AFF3: variants seen among roughly 807,000 people sequenced by gnomAD.
AFF3 encodes AF4/FMR2 family member 3.
A neutral mutation model predicts 129.7 loss-of-function variants in AFF3; 32 were observed. The observed-to-expected ratio is 0.25, with a 90% CI of 0.19 to 0.33. The LOEUF (loss-of-function observed/expected upper bound fraction) is 0.33, where lower values mean the gene tolerates loss of function less well. Among genes scored for constraint, AFF3 ranks in the 10% least tolerant of loss-of-function variants. The probability of loss-of-function intolerance (pLI) is 1.00; values close to 1 mark genes in which losing one functional copy is unlikely to be tolerated. For missense variants in AFF3, 1,373 were observed against 1,592.0 expected, an observed-to-expected ratio of 0.86 and a Z score of 2.34; for synonymous variants, 644 against 635.4, an observed-to-expected ratio of 1.01 and a Z score of -0.20.
chr2:99,944,040 T>A (rs1032147453), intron 7 of AFF3, among the ~76,000 whole-genome samples: 2 of 151,988 alleles, frequency 1.3e-5, no homozygotes, highest in East Asian at 3.9e-4. Flanking sequence ...GCTGGGACTA[T>A]AGGCATGCAC....
At chr2:99,964,523 A>G (rs1677547028) in intron 7 of AFF3, among the ~76,000 whole-genome samples, 1 of 152,190 alleles carries the variant, frequency 6.6e-6, no homozygotes, top group African/African-American at 2.4e-5. Flanking sequence ...TTCAAAGATG[A>G]CATCTCAAAA....
At chr2:100,023,782 T>C (rs1247751504) in intron 4 of AFF3, among the ~76,000 whole-genome samples, 1 of 152,090 alleles carries the variant, frequency 6.6e-6, no homozygotes, top group Non-Finnish European at 1.5e-5. Flanking sequence ...CAAGGTAAAA[T>C]ATCATCAATA....
chr2:99,674,119 G>A (rs776949500), intron 11 of AFF3, among the ~76,000 whole-genome samples: 1 of 152,122 alleles, frequency 6.6e-6, no homozygotes, highest in Non-Finnish European at 1.5e-5. Flanking sequence ...TTCCTCACAG[G>A]CTCCTGCTCA....
rs142480703 is a variant in AFF3, at chr2:99,789,061, A to G, written c.922-36760T>C. On this transcript the variant is annotated intron_variant, in intron 8 of 24. Coordinates refer to ENST00000672756, the MANE Select transcript of AFF3 (RefSeq NM_001386135.1). ...AAACAATGAAATGGCCTAACGACAC[A>G]TTTCTCAGAACATATCCATATTGTT... 1.5e-3 allele frequency among the ~76,000 whole-genome samples: 228 copies of G among 152,320 alleles called. 4 individuals are homozygous for G. In the East Asian group the frequency reaches 0.021, roughly 14 times the overall value.
intron 4 of AFF3, among the ~76,000 whole-genome samples, chr2:100,079,104 G>A (rs576019130): frequency 5.9e-5 from 9 of 151,916 alleles, no homozygotes; most frequent in South Asian, 2.1e-4. Context: ...TCACCACCAC[G>A]CCCGGCTAAT....
chr2:99,767,546 T>C (rs1683126926), intron 8 of AFF3, among the ~76,000 whole-genome samples: 1 of 152,256 alleles, frequency 6.6e-6, no homozygotes, highest in South Asian at 2.1e-4. Context: ...TAAACATGTA[T>C]ATGACACTAT....
At chr2:100,001,951 C>T (rs935856040) in intron 7 of AFF3, among the ~76,000 whole-genome samples, 3 of 152,214 alleles carry the variant, frequency 2.0e-5, no homozygotes, top group African/African-American at 4.8e-5. Context: ...AGCTGCCCAT[C>T]GAGCAGACAG....
chr2:99,919,933 T>C (rs1266235843), intron 7 of AFF3, among the ~76,000 whole-genome samples: 1 of 152,080 alleles, frequency 6.6e-6, no homozygotes, highest in African/African-American at 2.4e-5. Flanking sequence ...GGGAATGTTG[T>C]GAACAGCATT....
intron 7 of AFF3, among the ~76,000 whole-genome samples, chr2:99,993,074 T>C (rs1215712730): frequency 2.0e-5 from 3 of 152,194 alleles, no homozygotes; most frequent in Non-Finnish European, 2.9e-5. Flanking sequence ...AACACTCCTA[T>C]AGGTGGCAGA....
At chr2:99,740,420 G>A (rs1348405437) in intron 10 of AFF3, among the ~76,000 whole-genome samples, 1 of 150,356 alleles carries the variant, frequency 6.7e-6, no homozygotes, top group Non-Finnish European at 1.5e-5. Context: ...CTAGTTTACA[G>A]TCCCACCAAC....
intron 8 of AFF3, among the ~76,000 whole-genome samples, chr2:99,809,529 T>C (rs1346532204): frequency 6.6e-6 from 1 of 152,170 alleles, no homozygotes; most frequent in Non-Finnish European, 1.5e-5. Context: ...GGCTAGTGAA[T>C]TGGAAAGCTG....
chr2:100,081,447 G>A (rs1377900812), intron 4 of AFF3, among the ~76,000 whole-genome samples: 1 of 151,836 alleles, frequency 6.6e-6, no homozygotes, highest in Non-Finnish European at 1.5e-5. Context: ...TCGCCACCAT[G>A]TCAGTGACCA....
chr2:100,047,290 A>G (rs1239833496), intron 4 of AFF3, among the ~76,000 whole-genome samples: 3 of 152,178 alleles, frequency 2.0e-5, no homozygotes, highest in Non-Finnish European at 4.4e-5. Flanking sequence ...ACTTCTTATA[A>G]TATTTGTCAC....
intron 8 of AFF3, among the ~76,000 whole-genome samples, chr2:99,811,019 A>C (rs534209044): frequency 4.6e-5 from 7 of 152,314 alleles, no homozygotes; most frequent in African/African-American, 1.7e-4. Context: ...TAACCTCCCC[A>C]ACTCAAGGTG....
Position 99,673,203 on chromosome 2 carries a change from A to G in AFF3, c.1092-614T>C, listed in dbSNP as rs554582245. Among the ~76,000 whole-genome samples the G allele has an allele frequency of 7.9e-5, 12 of 152,172 alleles. No homozygotes were observed. The Middle Eastern group carries it at 0.014, about 173-fold the overall frequency. ...CATGGTAAAGAGAGATGAGAAAAAG[A>G]GCCATAAAGCCATAAACTTGAGTTG... On this transcript the variant is annotated intron_variant, in intron 11 of 24. Transcript: ENST00000672756.
intron 13 of AFF3, among the ~76,000 whole-genome samples, chr2:99,611,570 G>T (rs1218954238): frequency 2.0e-5 from 3 of 152,008 alleles, no homozygotes; most frequent in African/African-American, 7.3e-5. Flanking sequence ...TCCCCCCACG[G>T]TGTTTGTCTG....
chr2:99,632,561 G>C (rs1683225453), intron 13 of AFF3, among the ~76,000 whole-genome samples: 1 of 152,102 alleles, frequency 6.6e-6, no homozygotes, highest in Non-Finnish European at 1.5e-5. Context: ...CCCGGGGCTG[G>C]GGTTTGGAAG....
chr2:99,989,024 T>C (rs779684093), intron 7 of AFF3, among the ~76,000 whole-genome samples: 2 of 152,098 alleles, frequency 1.3e-5, no homozygotes, highest in Non-Finnish European at 2.9e-5. Context: ...CACAACGGAT[T>C]AGATATGGAA....
At chr2:100,021,097 T>G (rs1683552100) in intron 4 of AFF3, among the ~76,000 whole-genome samples, 1 of 152,188 alleles carries the variant, frequency 6.6e-6, no homozygotes, top group African/African-American at 2.4e-5. Flanking sequence ...TTTAGTGATT[T>G]TTCCCTCTTG....
Sources: gnomAD v4.1 joint callset for allele counts (sites outside exome capture counted in the v4.1 genomes callset) on GRCh38, gnomAD v4.1.1 for gene constraint, MANE v1.5 for transcripts, NCBI Gene and HGNC (gene_info 2026-07-23, HGNC 2026-07-21) for gene names.